Variants in SPTLC1 observed in about 807,000 individuals in gnomAD.
The protein encoded by SPTLC1 is serine palmitoyltransferase 1.
Under a neutral mutation model 68.9 loss-of-function variants are expected in SPTLC1, and 55 were observed. The ratio of observed to expected loss-of-function variants is 0.80; its 90% confidence interval spans 0.64 to 1.00. SPTLC1 has a LOEUF of 1.00. Among genes scored for constraint, SPTLC1 ranks in the 50% least tolerant of loss-of-function variants. SPTLC1 has a pLI of 0.00. For synonymous variants in SPTLC1, 197 were observed against 201.6 expected, an observed-to-expected ratio of 0.98 and a Z score of 0.19; for missense variants, 449 against 573.1, an observed-to-expected ratio of 0.78 and a Z score of 2.21.
intron 11 of SPTLC1, 114 bp downstream of exon 11, chr9:92,047,058 A>G (rs1381614756): frequency 1.1e-6 from 1 of 882,812 alleles, no homozygotes; most frequent in African/African-American, 1.6e-5. Flanking sequence ...ATGCCATATA[A>G]TGTAACTGCA....
In SPTLC1 at chr9:92,055,450, T is replaced by C. The variant is rs779063562; in HGVS notation, c.735A>G (p.Glu245=). 2.5e-6 allele frequency: 4 copies of C among 1,613,682 alleles called. No homozygotes were observed. Among genetic ancestry groups the C allele is most frequent in the Non-Finnish European group, 3.4e-6 (4 of 1,179,922 alleles). ...TAGTTCCAGTATTCATATACAATCC[T>C]TCTACTACAATGAAACGCCGAGTTA... ...ARVTRRFIVV[E]GLYMNTGTIC... is the part of the protein sequence containing the mutation. Residue 245 remains glutamate (E), a synonymous_variant, in exon 8 of 15, where the codon GAA becomes GAG. Coordinates refer to ENST00000262554, the MANE Select transcript of SPTLC1 (RefSeq NM_006415.4).
chr9:92,097,392 TTTA>T (rs1224341371), intron 3 of SPTLC1, among the ~76,000 whole-genome samples: 3 of 152,252 alleles, frequency 2.0e-5, no homozygotes, highest in Non-Finnish European at 4.4e-5. Flanking sequence ...TTTATTATTT[TTTA>T]TTTTTTCATA....
chr9:92,047,524 G>C, intron 10 of SPTLC1, 89 bp downstream of exon 10: 1 of 875,778 alleles, frequency 1.1e-6, no homozygotes, highest in Non-Finnish European at 1.9e-6. Flanking sequence ...GATAAACTAA[G>C]TAAAATTTCG....
intron 3 of SPTLC1, among the ~76,000 whole-genome samples, chr9:92,090,734 A>G (rs551853303): frequency 1.3e-5 from 2 of 152,220 alleles, no homozygotes; most frequent in East Asian, 3.9e-4. Context: ...GGAAAAAAAA[A>G]AGAAATGAAA....
At chr9:92,101,310 C>T (rs1324725527) in intron 3 of SPTLC1, among the ~76,000 whole-genome samples, 1 of 151,858 alleles carries the variant, frequency 6.6e-6, no homozygotes, top group Non-Finnish European at 1.5e-5. Context: ...CACCTGTAAT[C>T]CCAGCACTTT....
chr9:92,093,686 A>C (rs1835443382), intron 3 of SPTLC1, among the ~76,000 whole-genome samples: 1 of 152,266 alleles, frequency 6.6e-6, no homozygotes, highest in Non-Finnish European at 1.5e-5. Flanking sequence ...AACATTTTAA[A>C]GATATTACAT....
Position 92,059,249 on chromosome 9 carries a change from T to C in SPTLC1, c.620A>G (p.Lys207Arg). The C allele has an allele frequency of 6.2e-7, 1 of 1,613,992 alleles. No individual in the cohort carries two copies. The highest frequency in any genetic ancestry group is 8.5e-7 in the Non-Finnish European group (1 of 1,179,896). The change falls in exon 7 of 15, where the codon AAG (lysine) becomes AGG (arginine). Residue 207 changes from lysine (K) to arginine (R), a missense_variant. Lys to Arg is a conservative substitution (Grantham distance 26, BLOSUM62 2). Coordinates refer to ENST00000262554, the MANE Select transcript of SPTLC1 (RefSeq NM_006415.4). Reference protein sequence around the residue: ...KGLQASRSDIKLFKHNDMADL... With the variant: ...KGLQASRSDIRLFKHNDMADL... ...AGCCATGTCATTATGCTTAAATAAC[T>C]TAATGTCACTACGGGATGCCTGTAA...
chr9:92,061,025 C>T (rs546906218), intron 6 of SPTLC1, among the ~76,000 whole-genome samples: 37 of 151,850 alleles, frequency 2.4e-4, no homozygotes, highest in Middle Eastern at 3.4e-3. Context: ...TAATAAAAGA[C>T]GTAACATTTG....
At chr9:92,054,222 G>A (rs996259744) in intron 8 of SPTLC1, among the ~76,000 whole-genome samples, 11 of 152,076 alleles carry the variant, frequency 7.2e-5, no homozygotes, top group Admixed American at 5.2e-4. Context: ...CAGAGGTTGC[G>A]GTGAGCCGAG....
At chr9:92,066,824 C>CA (rs1189040269) in intron 6 of SPTLC1, among the ~76,000 whole-genome samples, 1 of 151,132 alleles carries the variant, frequency 6.6e-6, no homozygotes, top group African/African-American at 2.4e-5. Context: ...ACTAAAAATA[C>CA]AAAAAATTAG....
At chr9:92,113,954 A>G (rs1836336423) in intron 1 of SPTLC1, among the ~76,000 whole-genome samples, 1 of 152,208 alleles carries the variant, frequency 6.6e-6, no homozygotes, top group South Asian at 2.1e-4. Context: ...TCACTAAGTT[A>G]CACGTGGCTA....
At chr9:92,041,844 G>A (rs1403609297) in intron 12 of SPTLC1, among the ~76,000 whole-genome samples, 3 of 152,124 alleles carry the variant, frequency 2.0e-5, no homozygotes, top group African/African-American at 7.2e-5. Flanking sequence ...TCAGCCATAA[G>A]ACAAATTTAT....
At chr9:92,061,357 T>A (rs1274844194) in intron 6 of SPTLC1, among the ~76,000 whole-genome samples, 1 of 152,208 alleles carries the variant, frequency 6.6e-6, no homozygotes, top group East Asian at 1.9e-4. Context: ...GTGTTTCTAA[T>A]GCCGAAAGAA....
At chr9:92,114,270 AAAAATAAAAT>A (rs374852562) in intron 1 of SPTLC1, among the ~76,000 whole-genome samples, 115 of 152,292 alleles carry the variant, frequency 7.6e-4, no homozygotes, top group African/African-American at 2.7e-3. Flanking sequence ...CCTGTCTTTA[AAAAATAAAAT>A]AAAATAAAAT....
At chr9:92,090,820 C>T (rs760569054) in intron 3 of SPTLC1, among the ~76,000 whole-genome samples, 1 of 152,140 alleles carries the variant, frequency 6.6e-6, no homozygotes, top group Non-Finnish European at 1.5e-5. Context: ...CCAGCATTGC[C>T]GTAACCAAGC....
chr9:92,060,010 T>C (rs1181367573), intron 6 of SPTLC1, among the ~76,000 whole-genome samples: 1 of 151,726 alleles, frequency 6.6e-6, no homozygotes, highest in East Asian at 1.9e-4. Context: ...CACTTGGGAG[T>C]AGTGGGCACC....
chr9:92,106,422 C>G (rs888268180), intron 3 of SPTLC1, among the ~76,000 whole-genome samples: 6 of 146,446 alleles, frequency 4.1e-5, no homozygotes, highest in African/African-American at 1.6e-4. Context: ...TGCAGTGAGC[C>G]GAGATCGCAC....
chr9:92,089,052 C>T (rs1332360190), intron 3 of SPTLC1, among the ~76,000 whole-genome samples: 3 of 152,206 alleles, frequency 2.0e-5, no homozygotes, highest in South Asian at 2.1e-4. Context: ...GAACGCGAGA[C>T]GCTGGACACT....
At chr9:92,101,525 G>A (rs1340870194) in intron 3 of SPTLC1, among the ~76,000 whole-genome samples, 1 of 125,304 alleles carries the variant, frequency 8.0e-6, no homozygotes. Flanking sequence ...TCGTGCCACT[G>A]CACTCCAGCC....
Sources: allele counts gnomAD v4.1 joint callset (sites outside exome capture counted in the v4.1 genomes callset), GRCh38; gene constraint gnomAD v4.1.1; transcripts MANE v1.5; gene names NCBI Gene and HGNC (gene_info 2026-07-23, HGNC 2026-07-21).